AGBL3: variants seen among roughly 807,000 people sequenced by gnomAD.
The protein encoded by AGBL3 is AGBL carboxypeptidase 3.
A neutral mutation model predicts 94.5 loss-of-function variants in AGBL3; 68 were observed. The observed-to-expected ratio is 0.72, with a 90% confidence interval of 0.59 to 0.88. The LOEUF (loss-of-function observed/expected upper bound fraction) is 0.88, where lower values mean the gene tolerates loss of function less well. Among genes scored for constraint, AGBL3 ranks in the 40% least tolerant of loss-of-function variants. AGBL3 has a pLI of 0.00. For synonymous variants in AGBL3, 354 were observed against 370.7 expected (o/e 0.95, Z 0.52); for missense variants, 934 against 1,103.8 (o/e 0.85, Z 2.18).
At chr7:135,002,962 AT>A (rs1412245252) in intron 4 of AGBL3, among the ~76,000 whole-genome samples, 1 of 152,082 alleles carries the variant, frequency 6.6e-6, no homozygotes, top group East Asian at 1.9e-4. Context: ...AGGAGATTTG[AT>A]TACTGTGTCT....
intron 15 of AGBL3, chr7:135,093,995 A>G (rs1051672738): frequency 2.4e-5 from 4 of 169,686 alleles, no homozygotes; most frequent in East Asian, 1.8e-4. Flanking sequence ...TTGGATGGGG[A>G]AAAAAAATAG....
In AGBL3 at chr7:135,034,815, G is replaced by A; in HGVS notation, c.1224G>A (p.Val408=). The A allele has an allele frequency of 6.4e-7, 1 of 1,552,210 alleles. No individual in the cohort carries two copies. The highest frequency in any genetic ancestry group is 8.7e-7 in the Non-Finnish European group (1 of 1,147,240). The change falls in exon 7 of 17, where the codon GTG becomes GTA. Residue 408 remains valine (V), a synonymous_variant. Coordinates refer to ENST00000436302, the MANE Select transcript of AGBL3 (RefSeq NM_178563.4). Reference sequence around the variant, plus strand: ...TACCCATGCTCAATCCAGATGGTGTGATTGTGGGAAATTATCGCTGTTCCT... The same window carrying A: ...TACCCATGCTCAATCCAGATGGTGTAATTGTGGGAAATTATCGCTGTTCCT... ...KVVPMLNPDG[V]IVGNYRCSLA...
intron 15 of AGBL3, among the ~76,000 whole-genome samples, chr7:135,085,841 T>C (rs1821293959): frequency 6.6e-6 from 1 of 152,028 alleles, no homozygotes; most frequent in Admixed American, 6.6e-5. Context: ...TCCATGGTTC[T>C]GCACAAATTT....
intron 15 of AGBL3, among the ~76,000 whole-genome samples, chr7:135,104,039 A>T (rs1279672637): frequency 6.6e-6 from 1 of 152,058 alleles, no homozygotes; most frequent in Non-Finnish European, 1.5e-5. Context: ...TACCCAATAG[A>T]TACTTTTTCT....
intron 9 of AGBL3, among the ~76,000 whole-genome samples, 162 bp downstream of exon 9, chr7:135,044,313 G>A (rs752022207): frequency 1.3e-5 from 2 of 151,930 alleles, no homozygotes; most frequent in Non-Finnish European, 2.9e-5. Flanking sequence ...TCAAAATATG[G>A]TATCTCTATT....
At chr7:135,017,180 G>T in intron 5 of AGBL3, 21 bp downstream of exon 5, 6 of 1,449,430 alleles carry the variant, frequency 4.1e-6, no homozygotes, top group Non-Finnish European at 4.7e-6. Context: ...AATGACACAT[G>T]TTGCTGTAAA....
intron 16 of AGBL3, among the ~76,000 whole-genome samples, chr7:135,116,994 C>T (rs1036194491): frequency 6.6e-6 from 1 of 152,172 alleles, no homozygotes; most frequent in African/African-American, 2.4e-5. Flanking sequence ...TTGTGTTGTT[C>T]CTTTGTTCTT....
chr7:135,118,576 CAG>C (rs1826650819), intron 16 of AGBL3, among the ~76,000 whole-genome samples: 1 of 152,104 alleles, frequency 6.6e-6, no homozygotes. Context: ...ACATAAGATC[CAG>C]AGTCTCATAA....
At chr7:135,094,473 G>A in intron 15 of AGBL3, 1 of 456,702 alleles carries the variant, frequency 2.2e-6, no homozygotes, top group South Asian at 1.5e-5. Flanking sequence ...TAGCTTGAAA[G>A]TGAGAAACTC....
chr7:134,991,211 G>GT (rs1810224417), intron 3 of AGBL3, among the ~76,000 whole-genome samples: 1 of 85,752 alleles, frequency 1.2e-5, no homozygotes, highest in Non-Finnish European at 2.3e-5. Context: ...TGGGGGGGGG[G>GT]TTGGTTAAAA....
chr7:135,109,914 C>A (rs997138995), intron 15 of AGBL3, among the ~76,000 whole-genome samples: 3 of 152,212 alleles, frequency 2.0e-5, no homozygotes, highest in African/African-American at 7.2e-5. Context: ...AGGCTCTGAA[C>A]CACTGCCAGC....
intron 11 of AGBL3, among the ~76,000 whole-genome samples, chr7:135,050,028 C>T (rs1353206881): frequency 6.6e-6 from 1 of 151,668 alleles, no homozygotes; most frequent in African/African-American, 2.4e-5. Context: ...TAAATATATA[C>T]ATTTATCACA....
At position 135,084,958 on chromosome 7, in the gene AGBL3, C is replaced by G. The variant is rs954683976; in HGVS notation, c.2110+3168C>G. The stretch of plus-strand genomic sequence containing the variant: ...ATGACTGCACAAATTTGCATTCCCA[C>G]CAAAAGTGTGCAGGGATTCCCTTTT... On this transcript the variant is annotated intron_variant, in intron 15 of 16. Coordinates refer to ENST00000436302, the MANE Select transcript of AGBL3 (RefSeq NM_178563.4). 2.0e-5 allele frequency among the ~76,000 whole-genome samples: 3 copies of G among 152,116 alleles called. No individual in the cohort carries two copies. In the East Asian group the frequency reaches 5.8e-4, roughly 29 times the overall value.
intron 15 of AGBL3, among the ~76,000 whole-genome samples, chr7:135,105,054 T>C (rs569485600): frequency 1.4e-5 from 2 of 147,368 alleles, no homozygotes; most frequent in Non-Finnish European, 3.0e-5. Flanking sequence ...TTTATAGTTT[T>C]GGGTTTTACA....
intron 4 of AGBL3, among the ~76,000 whole-genome samples, chr7:135,008,347 A>G (rs1441551570): frequency 2.0e-5 from 3 of 152,152 alleles, no homozygotes; most frequent in African/African-American, 7.2e-5. Flanking sequence ...TGGTGAACTG[A>G]TTTTTGACAA....
At chr7:135,077,792 G>A (rs963226107) in intron 13 of AGBL3, among the ~76,000 whole-genome samples, 3 of 152,062 alleles carry the variant, frequency 2.0e-5, no homozygotes, top group Non-Finnish European at 4.4e-5. Flanking sequence ...TTCTTAATGC[G>A]CATGCTCGAG....
intron 15 of AGBL3, among the ~76,000 whole-genome samples, chr7:135,084,170 T>C (rs1266205694): frequency 6.6e-6 from 1 of 152,202 alleles, no homozygotes; most frequent in Non-Finnish European, 1.5e-5. Flanking sequence ...ATGCAATGTT[T>C]CTTTCAATAA....
chr7:135,051,569 C>T lies in AGBL3; in HGVS notation c.1841+5658C>T, dbSNP rs928214930. Among the ~76,000 whole-genome samples the T allele has an allele frequency of 3.2e-4, 49 of 151,868 alleles. 1 individual carries two copies. The highest frequency in any genetic ancestry group is 7.4e-5 in the Non-Finnish European group (5 of 67,964). On this transcript the variant is annotated intron_variant, in intron 11 of 16. Coordinates refer to ENST00000436302, the MANE Select transcript of AGBL3 (RefSeq NM_178563.4). ...AAAAGGGATATTTAGATAACATAGC[C>T]TAGATGATAGTTATTATTGCGTCTA...
intron 5 of AGBL3, among the ~76,000 whole-genome samples, chr7:135,025,919 G>A (rs77750624): frequency 1.5e-3 from 5 of 3,416 alleles, no homozygotes; most frequent in African/African-American, 1.9e-3. Context: ...ATGGCGCATC[G>A]TTTCATAAAA....
Sources: gnomAD v4.1 joint callset for allele counts (sites outside exome capture counted in the v4.1 genomes callset) on GRCh38, gnomAD v4.1.1 for gene constraint, MANE v1.5 for transcripts, NCBI Gene and HGNC (gene_info 2026-07-23, HGNC 2026-07-21) for gene names.